Variants in KCTD16 observed in about 807,000 individuals in gnomAD.
KCTD16 encodes potassium channel tetramerization domain containing 16.
A neutral mutation model predicts 33.2 loss-of-function variants in KCTD16; 13 were observed. That is an observed-to-expected ratio of 0.39 (90% CI 0.25 to 0.62). The LOEUF is 0.62. Among genes scored for constraint, KCTD16 ranks in the 20% least tolerant of loss-of-function variants. The probability of loss-of-function intolerance (pLI) is 0.50; values close to 1 mark genes in which losing one functional copy is unlikely to be tolerated. For missense variants in KCTD16, 441 were observed against 525.1 expected (o/e 0.84, Z 1.57); for synonymous variants, 197 against 195.3 (o/e 1.01, Z -0.07).
In KCTD16 at chr5:144,483,088, C is replaced by G. The variant is rs1333531977; in HGVS notation, c.*8974C>G. 1 of 144,364 alleles carries G rather than the reference C, an allele frequency of 6.9e-6. No individual in the cohort carries two copies. Among genetic ancestry groups the G allele is most frequent in the Non-Finnish European group, 1.5e-5 (1 of 66,496 alleles). 8.9% of individuals were successfully genotyped at this position (144,364 alleles called of 1,614,324 possible). Reference sequence around the variant, plus strand: ...ACTTGTAAAAACTGGCTCTCTTATCCAAACCATTTGTTGGAATTTCAAACT... The same window carrying G: ...ACTTGTAAAAACTGGCTCTCTTATCGAAACCATTTGTTGGAATTTCAAACT... On this transcript the variant is annotated 3_prime_UTR_variant, in exon 4 of 4. Transcript: ENST00000512467.
At chr5:144,256,319 A>T (rs2126835522) in intron 3 of KCTD16, among the ~76,000 whole-genome samples, 1 of 152,368 alleles carries the variant, frequency 6.6e-6, no homozygotes, top group South Asian at 2.1e-4. Flanking sequence ...AACCAAAGAA[A>T]TTCTTCCACT....
chr5:144,293,778 C>G (rs1755959654), intron 3 of KCTD16, among the ~76,000 whole-genome samples: 1 of 152,038 alleles, frequency 6.6e-6, no homozygotes, highest in Admixed American at 6.6e-5. Context: ...AAATGAGAAG[C>G]CAGTTACATT....
intron 3 of KCTD16, among the ~76,000 whole-genome samples, chr5:144,223,945 G>GTT (rs139406230): frequency 3.3e-5 from 5 of 150,730 alleles, no homozygotes; most frequent in African/African-American, 1.2e-4. Context: ...CAGCGTAGGT[G>GTT]TTTTTTTTTA....
intron 3 of KCTD16, among the ~76,000 whole-genome samples, chr5:144,318,673 A>G (rs1751991249): frequency 6.6e-6 from 1 of 152,154 alleles, no homozygotes; most frequent in African/African-American, 2.4e-5. Context: ...CCTGACCGCT[A>G]GAACTTAAAT....
intron 3 of KCTD16, among the ~76,000 whole-genome samples, chr5:144,260,724 AG>A (rs1754982332): frequency 6.8e-6 from 1 of 146,006 alleles, no homozygotes; most frequent in Middle Eastern, 3.6e-3. Context: ...ATGTCGAAAA[AG>A]ATGGTTGCCT....
At chr5:144,444,774 A>G (rs1420608415) in intron 3 of KCTD16, among the ~76,000 whole-genome samples, 2 of 151,536 alleles carry the variant, frequency 1.3e-5, no homozygotes, top group Admixed American at 1.3e-4. Context: ...ATTTTACTAG[A>G]AATATATTGT....
chr5:144,293,089 C>T (rs533536532), intron 3 of KCTD16, among the ~76,000 whole-genome samples: 7 of 152,346 alleles, frequency 4.6e-5, no homozygotes, highest in African/African-American at 1.7e-4. Context: ...TTGCTTCCCT[C>T]AGTTCTCACA....
chr5:144,340,858 T>C (rs1032404592), intron 3 of KCTD16, among the ~76,000 whole-genome samples: 11 of 151,846 alleles, frequency 7.2e-5, no homozygotes, highest in South Asian at 2.1e-4. Flanking sequence ...GAGACCAGCC[T>C]GACCAACATG....
At chr5:144,288,463 G>A (rs1179995261) in intron 3 of KCTD16, among the ~76,000 whole-genome samples, 2 of 152,116 alleles carry the variant, frequency 1.3e-5, no homozygotes, top group African/African-American at 2.4e-5. Context: ...GCTTGCAGGA[G>A]TGCTATCACC....
At chr5:144,277,675 C>A (rs993800154) in intron 3 of KCTD16, among the ~76,000 whole-genome samples, 1 of 152,110 alleles carries the variant, frequency 6.6e-6, no homozygotes, top group African/African-American at 2.4e-5. Flanking sequence ...TTATCTCCAA[C>A]CTTGTTAGTA....
At chr5:144,373,551 T>C (rs751702011) in intron 3 of KCTD16, among the ~76,000 whole-genome samples, 3 of 152,218 alleles carry the variant, frequency 2.0e-5, no homozygotes, top group Non-Finnish European at 4.4e-5. Flanking sequence ...TTTTGGTCTA[T>C]ATCCTTCCAA....
chr5:144,408,462 A>G (rs971097680), intron 3 of KCTD16, among the ~76,000 whole-genome samples: 2 of 152,216 alleles, frequency 1.3e-5, no homozygotes, highest in Non-Finnish European at 2.9e-5. Context: ...ACACAAGTAT[A>G]TTTATGTATA....
chr5:144,368,517 A>G (rs1751890126), intron 3 of KCTD16, among the ~76,000 whole-genome samples: 1 of 152,210 alleles, frequency 6.6e-6, no homozygotes, highest in Non-Finnish European at 1.5e-5. Context: ...AGTAGCCACA[A>G]GAAGTAGAAT....
intron 3 of KCTD16, among the ~76,000 whole-genome samples, chr5:144,304,833 G>A (rs13436134): frequency 0.22 from 32,795 of 152,046 alleles, 3,957 homozygotes; most frequent in Non-Finnish European, 0.28. Flanking sequence ...CTTGACTAAT[G>A]TCATTATCAT....
At chr5:144,234,042 C>T (rs911404663) in intron 3 of KCTD16, among the ~76,000 whole-genome samples, 1 of 152,116 alleles carries the variant, frequency 6.6e-6, no homozygotes, top group East Asian at 1.9e-4. Flanking sequence ...AAGAGATGAT[C>T]CATTGTGAAG....
intron 3 of KCTD16, among the ~76,000 whole-genome samples, chr5:144,289,941 A>G (rs553092653): frequency 6.3e-4 from 96 of 152,306 alleles, no homozygotes; most frequent in African/African-American, 2.3e-3. Flanking sequence ...TTGTTAATAA[A>G]CATTTATTAA....
chr5:144,194,353 C>T (rs987898911), intron 2 of KCTD16, among the ~76,000 whole-genome samples: 1 of 152,182 alleles, frequency 6.6e-6, no homozygotes, highest in African/African-American at 2.4e-5. Context: ...GTATGGTGCT[C>T]TTTGACTTAT....
At chr5:144,400,273 C>A (rs1417291568) in intron 3 of KCTD16, among the ~76,000 whole-genome samples, 2 of 152,098 alleles carry the variant, frequency 1.3e-5, no homozygotes, top group Non-Finnish European at 2.9e-5. Context: ...TGACTCTTGA[C>A]CCTCGTAGGT....
At chr5:144,180,213 A>T (rs1234005122) in intron 2 of KCTD16, among the ~76,000 whole-genome samples, 2 of 152,184 alleles carry the variant, frequency 1.3e-5, no homozygotes, top group Non-Finnish European at 1.5e-5. Flanking sequence ...AGAAACATTC[A>T]TCTGTTTCTA....
Sources: allele counts gnomAD v4.1 joint callset (sites outside exome capture counted in the v4.1 genomes callset), GRCh38; gene constraint gnomAD v4.1.1; transcripts MANE v1.5; gene names NCBI Gene and HGNC (gene_info 2026-07-23, HGNC 2026-07-21).